The following GPR107 variants were observed in gnomAD, a reference collection of about 807,000 sequenced individuals.
GPR107 encodes the protein G protein-coupled receptor 107.
A neutral mutation model predicts 75.5 loss-of-function variants in GPR107; 31 were observed. The observed-to-expected ratio is 0.41, with a 90% confidence interval of 0.31 to 0.55. The LOEUF (loss-of-function observed/expected upper bound fraction) is 0.55. GPR107 is among the 20% of genes least tolerant of loss of function. The pLI is 0.26. For synonymous variants in GPR107, 267 were observed against 251.3 expected (o/e 1.06, Z -0.59); for missense variants, 572 against 665.7 (o/e 0.86, Z 1.55).
chr9:130,098,893 G>A (rs1407591162), intron 9 of GPR107, among the ~76,000 whole-genome samples: 2 of 151,942 alleles, frequency 1.3e-5, no homozygotes, highest in African/African-American at 2.4e-5. Context: ...CTGTAATCCC[G>A]GCTACTCAGG....
chr9:130,105,348 G>A (rs1244337528), intron 13 of GPR107, among the ~76,000 whole-genome samples: 1 of 151,926 alleles, frequency 6.6e-6, no homozygotes, highest in African/African-American at 2.4e-5. Context: ...CTGCCTCCTG[G>A]GTTCAAGTGA....
chr9:130,073,623 A>G (rs1486299027), intron 1 of GPR107, among the ~76,000 whole-genome samples: 2 of 152,326 alleles, frequency 1.3e-5, no homozygotes, highest in East Asian at 1.9e-4. Context: ...AAATAAGGGA[A>G]ATTCCCAGGG....
chr9:130,113,817 TTG>T (rs1831359811), intron 14 of GPR107, among the ~76,000 whole-genome samples: 1 of 152,126 alleles, frequency 6.6e-6, no homozygotes, highest in Non-Finnish European at 1.5e-5. Flanking sequence ...AAGCAACCTC[TTG>T]TCAGGTTTTA....
intron 14 of GPR107, 35 bp from the exon 15 acceptor site, chr9:130,124,879 TA>T: frequency 7.2e-7 from 1 of 1,383,714 alleles, no homozygotes; most frequent in Non-Finnish European, 1.0e-6. Context: ...AATGAGAAGT[TA>T]ACGAGCTCTT....
chr9:130,087,283 T>C (rs1830636456), intron 7 of GPR107, among the ~76,000 whole-genome samples: 1 of 152,030 alleles, frequency 6.6e-6, no homozygotes, highest in African/African-American at 2.4e-5. Context: ...AGCAGTCCTC[T>C]TACCTGGGCC....
rs549193101 is a variant in GPR107 at position 130,081,729 on chromosome 9, G to A, written c.527-1836G>A. Among the ~76,000 whole-genome samples, 6 of 151,092 alleles carry A rather than the reference G, an allele frequency of 4.0e-5. No individual in the cohort carries two copies. The South Asian group carries it at 1.3e-3, about 32-fold the overall frequency. ...AAATTAGCCGGATGTGGTGGCATGC[G>A]CCTGTAGTCCCAACTGTTGGGGAGG... On this transcript the variant is annotated intron_variant, in intron 5 of 17. Transcript: ENST00000347136.
intron 17 of GPR107, among the ~76,000 whole-genome samples, 158 bp from the exon 18 acceptor site, chr9:130,134,867 A>T (rs1225587467): frequency 1.3e-5 from 2 of 152,256 alleles, no homozygotes; most frequent in Non-Finnish European, 2.9e-5. Flanking sequence ...GGCCAAGGTT[A>T]CACAGCTAGT....
At chr9:130,057,730 C>G (rs548135629) in intron 1 of GPR107, among the ~76,000 whole-genome samples, 1 of 151,736 alleles carries the variant, frequency 6.6e-6, no homozygotes, top group African/African-American at 2.4e-5. Flanking sequence ...TTGTCTTACT[C>G]CATGCTACAT....
chr9:130,095,194 T>C (rs1830834510), intron 9 of GPR107, among the ~76,000 whole-genome samples: 1 of 151,960 alleles, frequency 6.6e-6, no homozygotes, highest in South Asian at 2.1e-4. Flanking sequence ...GTAAGAGTCT[T>C]GGATTCTTAG....
chr9:130,131,748 C>T (rs1331808426), intron 17 of GPR107, among the ~76,000 whole-genome samples: 1 of 152,182 alleles, frequency 6.6e-6, no homozygotes, highest in Non-Finnish European at 1.5e-5. Context: ...CGTCCCTCTT[C>T]CTCAGCCCGT....
At chr9:130,106,246 C>T (rs79381111) in intron 13 of GPR107, among the ~76,000 whole-genome samples, 3,402 of 152,084 alleles carry the variant, frequency 0.022, 54 homozygotes, top group Middle Eastern at 0.034. Context: ...GGTAAATATC[C>T]TAAAAATTAC....
chr9:130,127,427 G>C (rs1831714664), intron 15 of GPR107, 56 bp from the exon 16 acceptor site: 1 of 894,620 alleles, frequency 1.1e-6, no homozygotes, highest in African/African-American at 1.6e-5. Context: ...AATTGTTAAA[G>C]TGGTGTCCTA....
chr9:130,113,111 A>G (rs1831343966), intron 14 of GPR107, among the ~76,000 whole-genome samples: 1 of 152,164 alleles, frequency 6.6e-6, no homozygotes, highest in Non-Finnish European at 1.5e-5. Context: ...TGTGGTGGAC[A>G]TTTTCTTGAA....
At chr9:130,056,352 A>G (rs2132525961) in intron 1 of GPR107, among the ~76,000 whole-genome samples, 1 of 151,922 alleles carries the variant, frequency 6.6e-6, no homozygotes, top group South Asian at 2.1e-4. Context: ...CTCGGGGCTG[A>G]GGCAGGAGAA....
rs151202698 is a variant in GPR107, at chr9:130,112,276, G to A, written c.1306+4737G>A. Among the ~76,000 whole-genome samples the A allele has an allele frequency of 2.4e-3, 373 of 152,320 alleles. 1 individual carries two copies. Among genetic ancestry groups the A allele is most frequent in the Non-Finnish European group, 3.6e-3 (243 of 68,028 alleles). ...AGGAACGGCTTCATTCCGAGGTGCC[G>A]CCGTGCTCTGAAAGGAGCCGCGACC... On this transcript the variant is annotated intron_variant, in intron 14 of 17. Transcript: ENST00000347136. The surrounding 1 kb of genome is among the most constrained non-coding windows in gnomAD (Gnocchi z 4.0).
At chr9:130,105,504 G>A (rs1831136882) in intron 13 of GPR107, among the ~76,000 whole-genome samples, 1 of 151,964 alleles carries the variant, frequency 6.6e-6, no homozygotes, top group African/African-American at 2.4e-5. Context: ...TGATCCACTT[G>A]CCTTGTCCTC....
At chr9:130,077,079 G>A (rs1021751094) in intron 3 of GPR107, among the ~76,000 whole-genome samples, 1 of 151,788 alleles carries the variant, frequency 6.6e-6, no homozygotes, top group African/African-American at 2.4e-5. Flanking sequence ...GTAGAGACGT[G>A]GTTTCACCAT....
intron 14 of GPR107, among the ~76,000 whole-genome samples, chr9:130,123,147 C>T (rs1029753993): frequency 2.6e-5 from 4 of 152,130 alleles, no homozygotes; most frequent in Admixed American, 1.3e-4. Context: ...AGTGTTCAGG[C>T]GCCTCCCACC....
intron 14 of GPR107, among the ~76,000 whole-genome samples, chr9:130,121,593 G>A (rs923499007): frequency 1.3e-5 from 2 of 152,188 alleles, no homozygotes. Context: ...CCTGATATGT[G>A]CAGCTCTCTC....
Sources: allele counts gnomAD v4.1 joint callset (sites outside exome capture counted in the v4.1 genomes callset), GRCh38; gene constraint gnomAD v4.1.1; non-coding constraint Gnocchi (gnomAD v3.1); transcripts MANE v1.5; gene names NCBI Gene and HGNC (gene_info 2026-07-23, HGNC 2026-07-21).